The following ADAMTSL1 variants were observed in gnomAD, a reference collection of about 807,000 sequenced individuals.
ADAMTSL1 encodes ADAMTS-like protein 1.
In ADAMTSL1, 126 loss-of-function variants were observed where a neutral mutation model predicts 201.8. That is an observed-to-expected ratio of 0.62 (90% CI 0.54 to 0.72). ADAMTSL1 has a LOEUF of 0.72. Ranked by LOEUF, ADAMTSL1 falls within the 30% of genes least tolerant of loss-of-function variation. ADAMTSL1 has a pLI of 0.00. For missense variants in ADAMTSL1, 2,679 were observed against 2,277.8 expected (o/e 1.18, Z -3.59); for synonymous variants, 1,121 against 903.4 (o/e 1.24, Z -4.32).
chr9:18,392,066 C>T (rs1268731012), intron 2 of ADAMTSL1, among the ~76,000 whole-genome samples: 3 of 151,808 alleles, frequency 2.0e-5, no homozygotes, highest in Non-Finnish European at 2.9e-5. Flanking sequence ...CCTCGTGATC[C>T]GCCCGCCTCG....
intron 1 of ADAMTSL1, among the ~76,000 whole-genome samples, chr9:18,017,725 T>C (rs1820318353): frequency 6.6e-6 from 1 of 152,028 alleles, no homozygotes; most frequent in African/African-American, 2.4e-5. Flanking sequence ...CGTTTCAATT[T>C]AGGTAATTAT....
chr9:18,528,345 C>G (rs1301649068), intron 2 of ADAMTSL1, among the ~76,000 whole-genome samples: 1 of 152,114 alleles, frequency 6.6e-6, no homozygotes, highest in Non-Finnish European at 1.5e-5. Context: ...GGTACTCTCC[C>G]TCCCCACAGC....
At chr9:18,499,312 A>T (rs1038759150) in intron 1 of ADAMTSL1, among the ~76,000 whole-genome samples, 1 of 152,264 alleles carries the variant, frequency 6.6e-6, no homozygotes, top group African/African-American at 2.4e-5. Context: ...ATGGACTTTT[A>T]CAAGAGCCCA....
At chr9:18,039,180 AG>A (rs2131629215) in intron 1 of ADAMTSL1, among the ~76,000 whole-genome samples, 1 of 152,324 alleles carries the variant, frequency 6.6e-6, no homozygotes, top group South Asian at 2.1e-4. Flanking sequence ...GTGTTGCAAT[AG>A]AATGATTATC....
chr9:18,310,399 ACT>A (rs1587525098), intron 2 of ADAMTSL1, among the ~76,000 whole-genome samples: 27 of 127,388 alleles, frequency 2.1e-4, no homozygotes, highest in South Asian at 5.0e-4. Context: ...AAAAAAAAAA[ACT>A]ATCTTCAGAG....
chr9:18,504,066 G>T (rs1822992227), intron 1 of ADAMTSL1, among the ~76,000 whole-genome samples: 1 of 151,914 alleles, frequency 6.6e-6, no homozygotes, highest in Admixed American at 6.6e-5. Context: ...GCATAGGAAG[G>T]TGGTAAGTTA....
At chr9:18,569,883 C>T (rs564372970) in intron 3 of ADAMTSL1, among the ~76,000 whole-genome samples, 1 of 152,238 alleles carries the variant, frequency 6.6e-6, no homozygotes, top group East Asian at 1.9e-4. Context: ...AGAAATCCCA[C>T]ATTATATATA....
chr9:18,549,427 A>G (rs1820663287), intron 3 of ADAMTSL1, among the ~76,000 whole-genome samples: 1 of 152,034 alleles, frequency 6.6e-6, no homozygotes, highest in African/African-American at 2.4e-5. Flanking sequence ...AAAGATGAGC[A>G]TTAACTACCC....
intron 2 of ADAMTSL1, among the ~76,000 whole-genome samples, chr9:18,516,211 T>C (rs1477117249): frequency 2.0e-5 from 3 of 152,142 alleles, no homozygotes; most frequent in South Asian, 4.1e-4. Flanking sequence ...CCTGTTTTCC[T>C]TAGTTTCAGT....
At chr9:18,603,282 A>T (rs1264580143) in intron 4 of ADAMTSL1, among the ~76,000 whole-genome samples, 1 of 152,210 alleles carries the variant, frequency 6.6e-6, no homozygotes. Context: ...GGAAAAAGTT[A>T]TGCAGCTAAT....
intron 5 of ADAMTSL1, among the ~76,000 whole-genome samples, chr9:18,625,264 A>T (rs1031809814): frequency 1.4e-5 from 2 of 139,648 alleles, no homozygotes; most frequent in African/African-American, 5.4e-5. Context: ...TTCTGAACTT[A>T]TATCCAAGTT....
chr9:18,318,762 G>T (rs1266706185), intron 2 of ADAMTSL1, among the ~76,000 whole-genome samples: 2 of 152,022 alleles, frequency 1.3e-5, no homozygotes, highest in Admixed American at 1.3e-4. Flanking sequence ...CATACTTTTG[G>T]CAGTGATTCA....
intron 5 of ADAMTSL1, among the ~76,000 whole-genome samples, chr9:18,625,950 T>C (rs1826333113): frequency 6.6e-6 from 1 of 152,218 alleles, no homozygotes; most frequent in Non-Finnish European, 1.5e-5. Context: ...TGGGTAAACA[T>C]ATTCTTGGAC....
At chr9:18,645,295 G>A (rs1827732681) in intron 7 of ADAMTSL1, among the ~76,000 whole-genome samples, 1 of 152,178 alleles carries the variant, frequency 6.6e-6, no homozygotes, top group Admixed American at 6.5e-5. Context: ...TTAGCCCTTT[G>A]TCAGATGAGT....
chr9:18,787,544 A>G (rs1821777484), intron 19 of ADAMTSL1, among the ~76,000 whole-genome samples: 1 of 152,192 alleles, frequency 6.6e-6, no homozygotes, highest in Non-Finnish European at 1.5e-5. Flanking sequence ...AGTATAAATA[A>G]GGATGTCACT....
At chr9:18,211,976 C>G (rs889975546) in intron 2 of ADAMTSL1, among the ~76,000 whole-genome samples, 1 of 152,068 alleles carries the variant, frequency 6.6e-6, no homozygotes, top group Non-Finnish European at 1.5e-5. Flanking sequence ...TTGATTTTGA[C>G]TTAGTATGCC....
intron 9 of ADAMTSL1, among the ~76,000 whole-genome samples, chr9:18,670,098 A>T (rs529530069): frequency 1.4e-4 from 21 of 152,332 alleles, no homozygotes; most frequent in African/African-American, 4.1e-4. Flanking sequence ...TGTCTAGAGA[A>T]GATGGAGCAC....
At chr9:18,504,726 A>G (rs1446580285) in intron 1 of ADAMTSL1, 103 bp from the exon 2 acceptor site, 3 of 1,527,666 alleles carry the variant, frequency 2.0e-6, no homozygotes, top group African/African-American at 2.8e-5. Context: ...CATTCCTAGC[A>G]AAGCCACCAT....
intron 1 of ADAMTSL1, among the ~76,000 whole-genome samples, chr9:18,480,847 A>AT (rs1295939032): frequency 6.6e-6 from 1 of 152,172 alleles, no homozygotes; most frequent in African/African-American, 2.4e-5. Flanking sequence ...AAATGGGTCC[A>AT]TTTTTAAAAC....
Sources: allele counts gnomAD v4.1 joint callset (sites outside exome capture counted in the v4.1 genomes callset), GRCh38; gene constraint gnomAD v4.1.1; transcripts MANE v1.5; gene names NCBI Gene and HGNC (gene_info 2026-07-23, HGNC 2026-07-21).